The following CDH2 variants were observed in gnomAD, a reference collection of about 807,000 sequenced individuals.
CDH2 encodes cadherin 2.
In CDH2, 17 loss-of-function variants were observed where a neutral mutation model predicts 92.0. That is an observed-to-expected ratio of 0.18 (90% confidence interval 0.13 to 0.28). The LOEUF (loss-of-function observed/expected upper bound fraction) is 0.28. Among genes scored for constraint, CDH2 ranks in the 10% least tolerant of loss-of-function variants. The pLI, the probability that CDH2 is intolerant of heterozygous loss-of-function variation, is 1.00. For synonymous variants in CDH2, 419 were observed against 415.9 expected, an observed-to-expected ratio of 1.01 and a Z score of -0.09; for missense variants, 862 against 1,133.1, an observed-to-expected ratio of 0.76 and a Z score of 3.44.
In CDH2 at chr18:28,009,867, C is replaced by T. The variant is rs2013046480; in HGVS notation, c.552G>A (p.Arg184=). 1.2e-6 allele frequency: 2 copies of T among 1,607,130 alleles called. No homozygotes were observed. The highest frequency in any genetic ancestry group is 1.7e-6 in the Non-Finnish European group (2 of 1,176,532). Residue 184 remains arginine (R), a synonymous_variant, in exon 5 of 16, where the codon AGG becomes AGA. Coordinates refer to ENST00000269141, the MANE Select transcript of CDH2 (RefSeq NM_001792.5). ...GTGAAAGGTTTTTATCTCTATCAGA[C>T]CTGATCTGAGGATCAAGAAAACAAT... ...GPFPQELVRI[R]SDRDKNLSLR... is the part of the protein sequence containing the mutation.
At chr18:28,041,140 A>G (rs1053637261) in intron 2 of CDH2, among the ~76,000 whole-genome samples, 4 of 152,190 alleles carry the variant, frequency 2.6e-5, no homozygotes, top group African/African-American at 9.6e-5. Flanking sequence ...ATGAATTAGT[A>G]ACTTTATGAA....
intron 7 of CDH2, among the ~76,000 whole-genome samples, chr18:28,001,822 A>G (rs2012775392): frequency 6.6e-6 from 1 of 152,260 alleles, no homozygotes; most frequent in South Asian, 2.1e-4. Context: ...CAATTGCAAT[A>G]GTAATGTTTT....
chr18:28,047,086 C>G (rs1294174671), intron 2 of CDH2, among the ~76,000 whole-genome samples: 1 of 152,146 alleles, frequency 6.6e-6, no homozygotes, highest in Non-Finnish European at 1.5e-5. Flanking sequence ...CACTTCAGAT[C>G]TTCTACAGCT....
chr18:28,175,625 AC>A (rs536490210), intron 1 of CDH2, among the ~76,000 whole-genome samples: 2 of 151,452 alleles, frequency 1.3e-5, no homozygotes, highest in African/African-American at 2.4e-5. Context: ...AGCAGCACTC[AC>A]CCCCCGGCGG....
At chr18:27,965,942 C>T (rs950995077) in intron 14 of CDH2, among the ~76,000 whole-genome samples, 3 of 131,638 alleles carry the variant, frequency 2.3e-5, no homozygotes, top group African/African-American at 8.8e-5. Context: ...GAGACAAGAT[C>T]GCATCACTGT....
At chr18:28,172,913 A>G (rs1369833573) in intron 1 of CDH2, among the ~76,000 whole-genome samples, 2 of 152,168 alleles carry the variant, frequency 1.3e-5, no homozygotes, top group Non-Finnish European at 2.9e-5. Context: ...GATTAAAAAA[A>G]ATAGGATTTA....
chr18:28,104,426 T>C (rs946599256), intron 2 of CDH2, among the ~76,000 whole-genome samples: 3 of 152,018 alleles, frequency 2.0e-5, no homozygotes, highest in African/African-American at 7.2e-5. Flanking sequence ...TTTTTCTCCT[T>C]CTTCAAATAT....
At chr18:28,125,165 C>T (rs1364140594) in intron 2 of CDH2, among the ~76,000 whole-genome samples, 1 of 152,142 alleles carries the variant, frequency 6.6e-6, no homozygotes, top group African/African-American at 2.4e-5. Context: ...GACAGATGGT[C>T]CTCAACTTCT....
At chr18:28,117,649 T>C (rs974130172) in intron 2 of CDH2, among the ~76,000 whole-genome samples, 1 of 152,158 alleles carries the variant, frequency 6.6e-6, no homozygotes, top group South Asian at 2.1e-4. Context: ...AGGTGGCTCT[T>C]GAAAAATGCT....
At chr18:28,118,925 C>T (rs1250718386) in intron 2 of CDH2, among the ~76,000 whole-genome samples, 3 of 152,002 alleles carry the variant, frequency 2.0e-5, no homozygotes, top group African/African-American at 2.4e-5. Context: ...TTTCCAAATC[C>T]TGAAAAATCT....
intron 6 of CDH2, among the ~76,000 whole-genome samples, chr18:27,943,096 CTAAAT>C (rs1423085409): frequency 9.9e-5 from 15 of 152,272 alleles, no homozygotes; most frequent in African/African-American, 3.4e-4. Flanking sequence ...TTAGAATGAA[CTAAAT>C]TAAAGATTTA....
At chr18:28,118,736 A>G (rs915910080) in intron 2 of CDH2, among the ~76,000 whole-genome samples, 24 of 152,074 alleles carry the variant, frequency 1.6e-4, no homozygotes, top group African/African-American at 4.8e-4. Flanking sequence ...CTTAGTAGTT[A>G]TTGACATATT....
intron 3 of CDH2, among the ~76,000 whole-genome samples, chr18:28,012,461 AC>A (rs1413523056): frequency 6.6e-6 from 1 of 152,200 alleles, no homozygotes; most frequent in Non-Finnish European, 1.5e-5. Context: ...ATTATATCCC[AC>A]AGAATTAATG....
At chr18:28,045,662 A>G (rs1235038322) in intron 2 of CDH2, 2 of 279,896 alleles carry the variant, frequency 7.1e-6, no homozygotes, top group Non-Finnish European at 1.4e-5. Context: ...CCCAGCAGAC[A>G]AAGCCCTCCC....
At chr18:28,014,376 G>A (rs1301271575) in intron 2 of CDH2, among the ~76,000 whole-genome samples, 3 of 152,106 alleles carry the variant, frequency 2.0e-5, no homozygotes, top group Non-Finnish European at 1.5e-5. Flanking sequence ...GCAGTTTGGG[G>A]CAAATGTTCT....
At chr18:28,081,983 C>A (rs1350718800) in intron 2 of CDH2, among the ~76,000 whole-genome samples, 1 of 152,144 alleles carries the variant, frequency 6.6e-6, no homozygotes. Flanking sequence ...AGTGTCAGCT[C>A]TTCAAGTCAC....
intron 2 of CDH2, among the ~76,000 whole-genome samples, chr18:28,108,309 T>C (rs1041503262): frequency 6.6e-6 from 1 of 152,170 alleles, no homozygotes; most frequent in African/African-American, 2.4e-5. Context: ...TAAACTACTA[T>C]GAGAAACATT....
At chr18:28,081,441 T>C (rs1387983941) in intron 2 of CDH2, among the ~76,000 whole-genome samples, 1 of 152,144 alleles carries the variant, frequency 6.6e-6, no homozygotes, top group South Asian at 2.1e-4. Flanking sequence ...AAGAGCAACT[T>C]TTAGAAAATG....
At chr18:27,941,885 T>A (rs1909147765) in intron 6 of CDH2, among the ~76,000 whole-genome samples, 3 of 152,240 alleles carry the variant, frequency 2.0e-5, no homozygotes, top group Admixed American at 2.0e-4. Context: ...GTTTCCTGGA[T>A]GTACTTGGAT....
Sources: gnomAD v4.1 joint callset for allele counts (sites outside exome capture counted in the v4.1 genomes callset) on GRCh38, gnomAD v4.1.1 for gene constraint, MANE v1.5 for transcripts, NCBI Gene and HGNC (gene_info 2026-07-23, HGNC 2026-07-21) for gene names.